Variants in CTNNA2 observed in about 807,000 individuals in gnomAD.
The protein encoded by CTNNA2 is catenin alpha-2.
A neutral mutation model predicts 101.0 loss-of-function variants in CTNNA2; 42 were observed. That is an observed-to-expected ratio of 0.42 (90% CI 0.32 to 0.54). The LOEUF is 0.54. CTNNA2 is among the 20% of genes least tolerant of loss of function. CTNNA2 has a pLI of 0.14. For missense variants in CTNNA2, 871 were observed against 1,223.1 expected (o/e 0.71, Z 4.29); for synonymous variants, 450 against 456.4 (o/e 0.99, Z 0.18).
intron 9 of CTNNA2, among the ~76,000 whole-genome samples, chr2:80,460,956 G>A (rs550915078): frequency 6.6e-6 from 1 of 152,152 alleles, no homozygotes; most frequent in Non-Finnish European, 1.5e-5. Flanking sequence ...CCCAGGCAAT[G>A]TTGACTCTAC....
intron 3 of CTNNA2, among the ~76,000 whole-genome samples, chr2:79,821,042 A>T (rs1011930505): frequency 6.6e-6 from 1 of 152,158 alleles, no homozygotes; most frequent in Non-Finnish European, 1.5e-5. Flanking sequence ...TCTCCTAATA[A>T]TGGCACAAAA....
At chr2:79,916,533 TCC>T (rs1686219454) in intron 7 of CTNNA2, among the ~76,000 whole-genome samples, 1 of 5,706 alleles carries the variant, frequency 1.8e-4, no homozygotes, top group Non-Finnish European at 2.8e-4. Flanking sequence ...TCCCCTCCCC[TCC>T]CCTCCCCTCC....
At chr2:79,328,270 A>C (rs533919566) in intron 3 of CTNNA2, among the ~76,000 whole-genome samples, 7 of 152,158 alleles carry the variant, frequency 4.6e-5, no homozygotes, top group African/African-American at 1.7e-4. Context: ...AAGGAGAGGA[A>C]GCATGTTTTC....
intron 7 of CTNNA2, among the ~76,000 whole-genome samples, chr2:80,046,875 T>C (rs1490660887): frequency 6.6e-6 from 1 of 152,218 alleles, no homozygotes; most frequent in Non-Finnish European, 1.5e-5. Context: ...TCAAGAAAGA[T>C]TAATAATTTG....
chr2:80,615,660 G>C (rs1411268740), intron 17 of CTNNA2, among the ~76,000 whole-genome samples: 1 of 151,546 alleles, frequency 6.6e-6, no homozygotes, highest in East Asian at 1.9e-4. Context: ...CTATATGCTA[G>C]AAATAAAAGT....
chr2:80,600,050 C>T (rs1389557106), intron 15 of CTNNA2, among the ~76,000 whole-genome samples: 2 of 150,980 alleles, frequency 1.3e-5, no homozygotes, highest in African/African-American at 4.9e-5. Context: ...TATAGTAATA[C>T]ATTTACTTAT....
chr2:80,308,462 G>C (rs925007786), intron 7 of CTNNA2, among the ~76,000 whole-genome samples: 10 of 152,154 alleles, frequency 6.6e-5, no homozygotes, highest in African/African-American at 2.2e-4. Flanking sequence ...AGAATTGGCG[G>C]AGAGTGGGAG....
chr2:79,706,362 CAAAAAAAAAAA>C (rs34157774), intron 2 of CTNNA2, among the ~76,000 whole-genome samples: 1 of 78,008 alleles, frequency 1.3e-5, no homozygotes, highest in Admixed American at 1.5e-4. Flanking sequence ...GACTCCGTCT[CAAAAAAAAAAA>C]AAAAAAAAAA....
intron 7 of CTNNA2, among the ~76,000 whole-genome samples, chr2:80,200,908 G>C (rs1260852505): frequency 6.6e-6 from 1 of 151,808 alleles, no homozygotes; most frequent in Non-Finnish European, 1.5e-5. Flanking sequence ...CTTGGGATGG[G>C]ATCCATGATA....
At chr2:79,807,951 C>T (rs551298230) in intron 3 of CTNNA2, among the ~76,000 whole-genome samples, 1 of 152,226 alleles carries the variant, frequency 6.6e-6, no homozygotes, top group South Asian at 2.1e-4. Context: ...AATAGGATCA[C>T]TTTTCAGATT....
intron 2 of CTNNA2, among the ~76,000 whole-genome samples, chr2:79,253,977 C>T (rs1280665849): frequency 6.6e-6 from 1 of 152,128 alleles, no homozygotes; most frequent in African/African-American, 2.4e-5. Context: ...TTTTGGAAGA[C>T]AGCTCATAGA....
chr2:79,943,043 C>A (rs1172594611), intron 7 of CTNNA2, among the ~76,000 whole-genome samples: 1 of 151,890 alleles, frequency 6.6e-6, no homozygotes, highest in Non-Finnish European at 1.5e-5. Context: ...GTGTTGAAAC[C>A]CCATCTCTGC....
At chr2:79,838,452 A>G (rs1679558151) in intron 3 of CTNNA2, among the ~76,000 whole-genome samples, 1 of 152,190 alleles carries the variant, frequency 6.6e-6, no homozygotes, top group Non-Finnish European at 1.5e-5. Flanking sequence ...AGAATGGAAT[A>G]TATGCCAAAA....
At chr2:79,408,498 T>A (rs755718278) in intron 4 of CTNNA2, among the ~76,000 whole-genome samples, 28 of 142,366 alleles carry the variant, frequency 2.0e-4, no homozygotes, top group Non-Finnish European at 3.1e-4. Flanking sequence ...TGTTCCCCTT[T>A]CTGTGTCCAT....
At chr2:79,821,622 A>G (rs1389193457) in intron 3 of CTNNA2, among the ~76,000 whole-genome samples, 2 of 152,262 alleles carry the variant, frequency 1.3e-5, no homozygotes, top group African/African-American at 4.8e-5. Context: ...AATAAAAACA[A>G]GTATAAGATG....
chr2:80,394,963 T>C (rs1573936212), intron 8 of CTNNA2, among the ~76,000 whole-genome samples: 1 of 136,954 alleles, frequency 7.3e-6, no homozygotes, highest in East Asian at 2.0e-4. Context: ...TTGGTCTCAG[T>C]AGTGATTACA....
At chr2:80,612,792 A>G (rs1698571954) in intron 17 of CTNNA2, 1 of 151,386 alleles carries the variant, frequency 6.6e-6, no homozygotes, top group South Asian at 2.1e-4. Flanking sequence ...ATTCTTCATG[A>G]TCTCCATGGA....
intron 9 of CTNNA2, among the ~76,000 whole-genome samples, chr2:80,526,300 A>T (rs1690027680): frequency 6.6e-6 from 1 of 152,156 alleles, no homozygotes; most frequent in Non-Finnish European, 1.5e-5. Context: ...CCCGGGTTCA[A>T]GGGATTCTCA....
Position 79,771,507 on chromosome 2 carries a change from C to T in CTNNA2, c.298+26925C>T, listed in dbSNP as rs533869301. Among the ~76,000 whole-genome samples, 82 of 152,310 alleles carry T rather than the reference C, an allele frequency of 5.4e-4. 1 individual carries two copies. The highest frequency in any genetic ancestry group is 1.0e-3 in the Non-Finnish European group (71 of 68,026). On this transcript the variant is annotated intron_variant, in intron 3 of 18. Transcript: ENST00000402739. ...ATGTAGAATCAGTGGGAGCCCTGAG[C>T]TTGTTTTCCTGCAACTGGATGGCCC...
Sources: gnomAD v4.1 joint callset for allele counts (sites outside exome capture counted in the v4.1 genomes callset) on GRCh38, gnomAD v4.1.1 for gene constraint, MANE v1.5 for transcripts, NCBI Gene and HGNC (gene_info 2026-07-23, HGNC 2026-07-21) for gene names.